The following CD84 variants were observed in gnomAD, a reference collection of about 807,000 sequenced individuals.
CD84 encodes the protein CD84 molecule, also known as SLAM family member 5.
In CD84, 22 loss-of-function variants were observed where a neutral mutation model predicts 33.8. That is an observed-to-expected ratio of 0.65 (90% confidence interval 0.46 to 0.93). The LOEUF is 0.93. Among genes scored for constraint, CD84 ranks in the 40% least tolerant of loss-of-function variants. The pLI, the probability that CD84 is intolerant of heterozygous loss-of-function variation, is 0.00. For missense variants in CD84, 400 were observed against 397.6 expected (o/e 1.01, Z -0.05); for synonymous variants, 154 against 145.2 (o/e 1.06, Z -0.44).
intron 1 of CD84, among the ~76,000 whole-genome samples, chr1:160,570,067 C>T (rs1657594589): frequency 6.6e-6 from 1 of 152,032 alleles, no homozygotes. Flanking sequence ...GTCTTCTGGG[C>T]ATGAACCAGG....
At position 160,579,457 on chromosome 1, in the gene CD84, T is replaced by A. The variant is rs1266596575; in HGVS notation, c.-20A>T. The A allele has an allele frequency of 1.9e-6, 3 of 1,612,524 alleles. No individual in the cohort carries two copies. Among genetic ancestry groups the A allele is most frequent in the Non-Finnish European group, 2.5e-6 (3 of 1,179,102 alleles). ...AGCCATCTCTTTCAGGGTCTAACCT[T>A]CTGTGGAAAAGCACGGCACTGTTCT... is the stretch of plus-strand genomic sequence containing the variant. On this transcript the variant is annotated 5_prime_UTR_variant, in exon 1 of 7. Transcript: ENST00000368054.
chr1:160,554,908 G>C lies in CD84; in HGVS notation c.389-762C>G, dbSNP rs116100476. 6.1e-3 allele frequency among the ~76,000 whole-genome samples: 854 copies of C among 139,268 alleles called. 17 individuals are homozygous for C. Among genetic ancestry groups the C allele is most frequent in the African/African-American group, 0.028 (821 of 29,472 alleles). 91.4% of individuals were successfully genotyped at this position (139,268 alleles called of 152,430 possible). On this transcript the variant is annotated intron_variant, in intron 2 of 6. Coordinates refer to ENST00000368054, the MANE Select transcript of CD84 (RefSeq NM_003874.4). ...CTCTCAGCAAAATAAATTCTATATA[G>C]AATTTACAATAAAGACTATTATATA...
chr1:160,574,004 G>A lies in CD84; in HGVS notation c.46+5388C>T, dbSNP rs191249129. Among the ~76,000 whole-genome samples the A allele has an allele frequency of 1.5e-3, 234 of 152,010 alleles. 1 individual carries two copies. The highest frequency in any genetic ancestry group is 6.8e-3 in the Middle Eastern group (2 of 294). On this transcript the variant is annotated intron_variant, in intron 1 of 6. Coordinates refer to ENST00000368054, the MANE Select transcript of CD84 (RefSeq NM_003874.4). ...GCTACTTGGGAGGCTGAGACAGGAG[G>A]ATCACTTGAGCCTGGGAAGTCAAGG...
chr1:160,552,233 G>A (rs535825224), intron 4 of CD84, among the ~76,000 whole-genome samples: 2 of 152,280 alleles, frequency 1.3e-5, no homozygotes, highest in East Asian at 1.9e-4. Context: ...CCAAGAGTCA[G>A]CGAGGGATTG....
Position 160,546,922 on chromosome 1 carries a change from T to C in CD84, c.*1334A>G, listed in dbSNP as rs371422177. ...TAGATGAGTCTATGGATTCATTTAC[T>C]GGGACTGATGTCTTTATCTGCCTAA... On this transcript the variant is annotated 3_prime_UTR_variant, in exon 7 of 7. Transcript: ENST00000368054. The C allele has an allele frequency of 2.6e-6, 1 of 389,698 alleles. No homozygotes were observed. The allele number at this position is 389,698 out of a possible 1,614,324, so 24.1% of individuals were successfully genotyped here.
intron 4 of CD84, 170 bp downstream of exon 4, chr1:160,553,208 A>T: frequency 2.8e-6 from 3 of 1,057,592 alleles, no homozygotes; most frequent in African/African-American, 3.2e-5. Context: ...CATTCAGGGT[A>T]ATGTCATACC....
Position 160,549,902 on chromosome 1 carries a change from C to T in CD84, c.921+15G>A, listed in dbSNP as rs759982011. The T allele has an allele frequency of 3.1e-6, 5 of 1,598,248 alleles. No individual in the cohort carries two copies. The African/African-American group carries it at 6.7e-5, about 21-fold the overall frequency. On this transcript the variant is annotated intron_variant, in intron 6 of 6. Coordinates refer to ENST00000368054, the MANE Select transcript of CD84 (RefSeq NM_003874.4). ...GAGTTAGGAAAGCAAGGATAAAAAG[C>T]CAGAAAGGGGTTACCTTATCAGCAA...
chr1:160,575,635 GT>G (rs917246441), intron 1 of CD84, among the ~76,000 whole-genome samples: 9 of 152,194 alleles, frequency 5.9e-5, no homozygotes, highest in African/African-American at 1.9e-4. Context: ...TACCTAGTCA[GT>G]TCCACCTATA....
chr1:160,571,274 G>C (rs1657674894), intron 1 of CD84: 1 of 151,984 alleles, frequency 6.6e-6, no homozygotes, highest in Non-Finnish European at 1.5e-5. Context: ...AGCCCTGCGA[G>C]AGTGCTCACA....
At chr1:160,556,909 C>T (rs1280855220) in intron 2 of CD84, among the ~76,000 whole-genome samples, 1 of 152,070 alleles carries the variant, frequency 6.6e-6, no homozygotes, top group Non-Finnish European at 1.5e-5. Context: ...AGCTAAAGTT[C>T]TCGAATGAGT....
rs778357134 is a variant in CD84 at position 160,565,708 on chromosome 1, T to C, written c.84A>G (p.Thr28=). The change falls in exon 2 of 7, where the codon ACA becomes ACG. Residue 28 remains threonine (T), a synonymous_variant. Coordinates refer to ENST00000368054, the MANE Select transcript of CD84 (RefSeq NM_003874.4). The stretch of plus-strand genomic sequence containing the variant: ...CTGACTCTCCCAGAATCCCATTCAC[T>C]GTGAAGATTTCTGAGTCTTTTCCAG... The part of the protein sequence containing the change: ...EAAGKDSEIF[T]VNGILGESVT... The C allele has an allele frequency of 3.7e-5, 60 of 1,612,494 alleles. 1 individual carries two copies. In the South Asian group the frequency reaches 6.5e-4, roughly 17 times the overall value.
chr1:160,557,954 G>A (rs1368975381), intron 2 of CD84, among the ~76,000 whole-genome samples: 1 of 152,164 alleles, frequency 6.6e-6, no homozygotes, highest in Non-Finnish European at 1.5e-5. Flanking sequence ...ACTCTAGCCA[G>A]GGTTATACAG....
rs1557966314 is a variant in CD84, at chr1:160,547,374, C to T, written c.*882G>A. 2.5e-6 allele frequency: 1 copy of T among 394,714 alleles called. No homozygotes were observed. Among genetic ancestry groups the T allele is most frequent in the East Asian group, 3.6e-5 (1 of 27,910 alleles). The allele number at this position is 394,714 out of a possible 1,614,324, so 24.5% of individuals were successfully genotyped here. On this transcript the variant is annotated 3_prime_UTR_variant, in exon 7 of 7. Transcript: ENST00000368054. ...AGAGTGGGAATACTGGGCATGGCTGCTTCTTCTGCTGAGGCTGCTTGGAGT... is the reference window on the plus strand; with the variant it reads ...AGAGTGGGAATACTGGGCATGGCTGTTTCTTCTGCTGAGGCTGCTTGGAGT...
chr1:160,564,696 CAT>C (rs1381368444), intron 2 of CD84, among the ~76,000 whole-genome samples: 1 of 152,158 alleles, frequency 6.6e-6, no homozygotes, highest in Non-Finnish European at 1.5e-5. Flanking sequence ...ATCTACATAA[CAT>C]GTGTGAAATG....
rs1443096234 is a variant in CD84, at chr1:160,544,024, A to G, written c.*4232T>C. ...GGACAACCTGAGGTACAGCGAGGTT[A>G]AAGTAACTTGCCTAAGGTCACATGA... On this transcript the variant is annotated 3_prime_UTR_variant, in exon 7 of 7. Coordinates refer to ENST00000368054, the MANE Select transcript of CD84 (RefSeq NM_003874.4). 1 of 152,224 alleles carries G rather than the reference A, an allele frequency of 6.6e-6. No homozygotes were observed. Among genetic ancestry groups the G allele is most frequent in the Non-Finnish European group, 1.5e-5 (1 of 68,056 alleles). The allele number at this position is 152,224 out of a possible 1,614,324, so 9.4% of individuals were successfully genotyped here. A position where few individuals can be genotyped will look rare whatever the true frequency, so the allele number is the denominator to read the frequency against.
chr1:160,557,100 G>C (rs774295056), intron 2 of CD84, among the ~76,000 whole-genome samples: 6 of 152,044 alleles, frequency 3.9e-5, no homozygotes, highest in Non-Finnish European at 7.4e-5. Flanking sequence ...CACTATACTA[G>C]GGAGCTCAAC....
intron 1 of CD84, among the ~76,000 whole-genome samples, chr1:160,575,007 A>G (rs1010542532): frequency 6.6e-5 from 10 of 152,202 alleles, no homozygotes; most frequent in Non-Finnish European, 1.3e-4. Flanking sequence ...TGTTAAAGTC[A>G]GCAAGTAGCT....
At position 160,557,330 on chromosome 1, in the gene CD84, C is replaced by T. The variant is rs140653255; in HGVS notation, c.389-3184G>A. On this transcript the variant is annotated intron_variant, in intron 2 of 6. Coordinates refer to ENST00000368054, the MANE Select transcript of CD84 (RefSeq NM_003874.4). ...TTCACAATTGCTAAGCACTGTGAAA[C>T]CTGGGAATAATACTATTCATTCATT... Among the ~76,000 whole-genome samples, 651 of 152,304 alleles carry T rather than the reference C, an allele frequency of 4.3e-3. 4 individuals are homozygous for T. Among genetic ancestry groups the T allele is most frequent in the African/African-American group, 0.015 (611 of 41,560 alleles).
Position 160,579,478 on chromosome 1 carries a change from G to C in CD84, c.-41C>G. 2.5e-6 allele frequency: 4 copies of C among 1,604,548 alleles called. No individual in the cohort carries two copies. Among genetic ancestry groups the C allele is most frequent in the Non-Finnish European group, 3.4e-6 (4 of 1,175,812 alleles). On this transcript the variant is annotated 5_prime_UTR_variant, in exon 1 of 7. Transcript: ENST00000368054. ...ACCTTCTGTGGAAAAGCACGGCACT[G>C]TTCTAGCAGAGTCAGTTTCACTTGA...
Sources: gnomAD v4.1 joint callset for allele counts (sites outside exome capture counted in the v4.1 genomes callset) on GRCh38, gnomAD v4.1.1 for gene constraint, MANE v1.5 for transcripts, NCBI Gene and HGNC (gene_info 2026-07-23, HGNC 2026-07-21) for gene names.